CAPRIN1: variants seen among roughly 807,000 people sequenced by gnomAD.
CAPRIN1 encodes caprin-1.
A neutral mutation model predicts 100.9 loss-of-function variants in CAPRIN1; 29 were observed. The ratio of observed to expected loss-of-function variants is 0.29; its 90% CI spans 0.21 to 0.39. The LOEUF (loss-of-function observed/expected upper bound fraction) is 0.39. Ranked by LOEUF, CAPRIN1 falls within the 10% of genes least tolerant of loss-of-function variation. The pLI is 1.00. For missense variants in CAPRIN1, 795 were observed against 876.7 expected (o/e 0.91, Z 1.18); for synonymous variants, 338 against 307.5 (o/e 1.10, Z -1.04).
In CAPRIN1 at chr11:34,099,344, A is replaced by G; in HGVS notation, c.2107A>G (p.Met703Val). Reference protein sequence around the residue: ...PPRPNRGMPQMNTQQVN With the variant: ...PPRPNRGMPQVNTQQVN The stretch of plus-strand genomic sequence containing the variant: ...AAGACCCAACAGAGGGATGCCGCAA[A>G]TGAACACTCAGCAAGTGAATTAATC... The change falls in exon 19 of 19, where the codon ATG (methionine) becomes GTG (valine). Residue 703 changes from methionine to valine, a missense_variant. By Grantham distance (21) the Met-to-Val change is conservative. Coordinates refer to ENST00000341394, the MANE Select transcript of CAPRIN1 (RefSeq NM_005898.5). The G allele has an allele frequency of 6.2e-7, 1 of 1,613,856 alleles. No individual in the cohort carries two copies. The highest frequency in any genetic ancestry group is 8.5e-7 in the Non-Finnish European group (1 of 1,179,812).
chr11:34,089,588 G>A (rs886383077), intron 12 of CAPRIN1, 132 bp downstream of exon 12: 2 of 436,982 alleles, frequency 4.6e-6, no homozygotes, highest in Admixed American at 3.6e-5. Context: ...GCAGTGTAGC[G>A]AGACACCATC....
In CAPRIN1 at chr11:34,079,751, A is replaced by G. The variant is rs1308568497; in HGVS notation, c.812A>G (p.Gln271Arg). The change falls in exon 7 of 19, where the codon CAG becomes CGG. Residue 271 changes from glutamine (Q) to arginine (R), a missense_variant. By Grantham distance (43) the Gln-to-Arg change is conservative. Coordinates refer to ENST00000341394, the MANE Select transcript of CAPRIN1 (RefSeq NM_005898.5). ...GCCTCAGCACCTGCAGTTGAAGACCAGGTACCTGAAGCTGGTGAGTATTAG... is the reference window on the plus strand; with the variant it reads ...GCCTCAGCACCTGCAGTTGAAGACCGGGTACCTGAAGCTGGTGAGTATTAG... ...EAASAPAVEDQVPEAEPEPAE... is the reference protein window; with the variant it reads ...EAASAPAVEDRVPEAEPEPAE... The G allele has an allele frequency of 1.2e-6, 2 of 1,613,942 alleles. No homozygotes were observed. Among genetic ancestry groups the G allele is most frequent in the Non-Finnish European group, 1.7e-6 (2 of 1,179,994 alleles).
At position 34,090,595 on chromosome 11, in the gene CAPRIN1, C is replaced by G; in HGVS notation, c.1471C>G (p.Gln491Glu). 6.2e-7 allele frequency: 1 copy of G among 1,613,796 alleles called. No individual in the cohort carries two copies. The highest frequency in any genetic ancestry group is 1.1e-5 in the South Asian group (1 of 91,060). Reference sequence around the variant, plus strand: ...ATCCCTTCCTGCTGCGTCTCAGCCTCAAGTATTTCAGGCTGGGACAAGCAA... The same window carrying G: ...ATCCCTTCCTGCTGCGTCTCAGCCTGAAGTATTTCAGGCTGGGACAAGCAA... ...SSSLPAASQP[Q>E]VFQAGTSKPL... Residue 491 changes from glutamine (Q) to glutamate (E), a missense_variant, in exon 14 of 19, where the codon CAA becomes GAA. Physicochemically the swap from Gln to Glu is conservative, Grantham distance 29. Around this residue, in one of 3 missense-constraint regions of CAPRIN1, gnomAD observed 648 missense variants for 697.9 expected, o/e 0.93. Coordinates refer to ENST00000341394, the MANE Select transcript of CAPRIN1 (RefSeq NM_005898.5).
rs117167298 is a variant in CAPRIN1, at chr11:34,061,501, C to T, written c.216+8865C>T. On this transcript the variant is annotated intron_variant, in intron 2 of 18. Transcript: ENST00000341394. Reference sequence around the variant, plus strand: ...GAGATTACAGGCATGAGCCACTGCACCTGGCCTAGGTTAGCATTCTTATGC... The same window carrying T: ...GAGATTACAGGCATGAGCCACTGCATCTGGCCTAGGTTAGCATTCTTATGC... Among the ~76,000 whole-genome samples the T allele has an allele frequency of 4.9e-4, 75 of 152,150 alleles. No individual in the cohort carries two copies. In the East Asian group the frequency reaches 0.012, roughly 24 times the overall value.
At chr11:34,082,741 G>A (rs1778044778) in intron 7 of CAPRIN1, 84 bp from the exon 8 acceptor site, 7 of 907,812 alleles carry the variant, frequency 7.7e-6, no homozygotes, top group East Asian at 2.6e-5. Flanking sequence ...GCATAATGAC[G>A]TGTATCTACC....
In CAPRIN1 at chr11:34,083,066, T is replaced by A. The variant is rs185767991; in HGVS notation, c.966+25T>A. 5.0e-4 allele frequency: 758 copies of A among 1,509,108 alleles called. 5 individuals carry two copies. Among genetic ancestry groups the A allele is most frequent in the Middle Eastern group, 4.2e-3 (25 of 5,890 alleles). 93.5% of individuals were successfully genotyped at this position (1,509,108 alleles called of 1,614,324 possible). A position where few individuals can be genotyped will look rare whatever the true frequency, so the allele number is the denominator to read the frequency against. On this transcript the variant is annotated intron_variant, in intron 9 of 18. Coordinates refer to ENST00000341394, the MANE Select transcript of CAPRIN1 (RefSeq NM_005898.5). ...GGTAAGAGTTCTCTGTATTGCAAAG[T>A]TGTTGTCTTTGTCTTCAGTTAGTAA...
intron 4 of CAPRIN1, among the ~76,000 whole-genome samples, chr11:34,074,101 T>A (rs942363872): frequency 2.0e-5 from 3 of 152,196 alleles, no homozygotes; most frequent in Admixed American, 2.0e-4. Context: ...GTTAAGTTTC[T>A]AACACTTGAA....
intron 2 of CAPRIN1, among the ~76,000 whole-genome samples, chr11:34,059,083 A>G (rs1850518446): frequency 6.6e-6 from 1 of 152,190 alleles, no homozygotes; most frequent in African/African-American, 2.4e-5. Flanking sequence ...CACTAGCTCT[A>G]CTACAGTGCT....
chr11:34,067,888 G>T (rs1181481695), intron 2 of CAPRIN1, among the ~76,000 whole-genome samples: 1 of 152,134 alleles, frequency 6.6e-6, no homozygotes, highest in Non-Finnish European at 1.5e-5. Context: ...GTACCATGAA[G>T]CTGAGTTTCA....
chr11:34,089,436 G>A lies in CAPRIN1; in HGVS notation c.1273G>A (p.Val425Ile). The A allele has an allele frequency of 1.2e-6, 2 of 1,605,690 alleles. No individual in the cohort carries two copies. The highest frequency in any genetic ancestry group is 1.7e-6 in the Non-Finnish European group (2 of 1,173,932). The change falls in exon 12 of 19, where the codon GTA becomes ATA. Residue 425 changes from valine to isoleucine, a missense_variant. Transcript: ENST00000341394. ...ACTTGCTCAGCCTAATCAAGTTCCTGTACAACCAGAAGCGACACAGGTAAG... is the reference window on the plus strand; with the variant it reads ...ACTTGCTCAGCCTAATCAAGTTCCTATACAACCAGAAGCGACACAGGTAAG... ...SRLAQPNQVP[V>I]QPEATQVPLV...
intron 6 of CAPRIN1, among the ~76,000 whole-genome samples, chr11:34,079,140 C>T (rs1402945453): frequency 2.0e-5 from 3 of 152,218 alleles, no homozygotes; most frequent in African/African-American, 7.2e-5. Flanking sequence ...GGCATGGTGG[C>T]TCATGCCTGT....
chr11:34,090,389 C>G (rs1313059992), intron 13 of CAPRIN1, 100 bp downstream of exon 13: 2 of 1,254,326 alleles, frequency 1.6e-6, no homozygotes, highest in African/African-American at 1.5e-5. Flanking sequence ...CTTTTTGGAC[C>G]TACTTTGCTT....
chr11:34,074,338 G>A (rs1354733008), intron 4 of CAPRIN1, among the ~76,000 whole-genome samples: 2 of 152,108 alleles, frequency 1.3e-5, no homozygotes, highest in Admixed American at 6.5e-5. Context: ...CTTTCTCTGA[G>A]CTTTAACTTC....
chr11:34,054,882 T>G (rs777733498), intron 2 of CAPRIN1, among the ~76,000 whole-genome samples: 18 of 152,220 alleles, frequency 1.2e-4, no homozygotes, highest in Non-Finnish European at 2.5e-4. Context: ...ATACTAATTA[T>G]GAACATTAAT....
chr11:34,085,056 T>G (rs1851111816), intron 9 of CAPRIN1, among the ~76,000 whole-genome samples: 1 of 152,162 alleles, frequency 6.6e-6, no homozygotes, highest in Non-Finnish European at 1.5e-5. Flanking sequence ...GGTAGTGATT[T>G]TTATCTGTGT....
At chr11:34,067,208 G>A (rs1479278328) in intron 2 of CAPRIN1, among the ~76,000 whole-genome samples, 4 of 152,140 alleles carry the variant, frequency 2.6e-5, no homozygotes, top group African/African-American at 9.7e-5. Flanking sequence ...GGGATTACAG[G>A]TGTGAGCCAT....
chr11:34,056,626 C>G (rs1484673167), intron 2 of CAPRIN1: 1 of 152,110 alleles, frequency 6.6e-6, no homozygotes, highest in Non-Finnish European at 1.5e-5. Context: ...TTCATTGGTG[C>G]TGAACTGGGC....
At chr11:34,055,484 C>T (rs1037661086) in intron 2 of CAPRIN1, among the ~76,000 whole-genome samples, 1 of 152,164 alleles carries the variant, frequency 6.6e-6, no homozygotes, top group Non-Finnish European at 1.5e-5. Context: ...CCTGCCACCA[C>T]GCCCAACTAA....
At chr11:34,075,395 T>C (rs1850886125) in intron 4 of CAPRIN1, among the ~76,000 whole-genome samples, 2 of 152,166 alleles carry the variant, frequency 1.3e-5, no homozygotes, top group African/African-American at 4.8e-5. Context: ...TCATGTTAGA[T>C]ACACGGGAGA....
Sources: gnomAD v4.1 joint callset for allele counts (sites outside exome capture counted in the v4.1 genomes callset) on GRCh38, gnomAD v4.1.1 for gene constraint, gnomAD v4.1.1 regional missense constraint, MANE v1.5 for transcripts, NCBI Gene and HGNC (gene_info 2026-07-23, HGNC 2026-07-21) for gene names.